Variants in GRM5 observed in about 807,000 individuals in gnomAD.
GRM5 encodes glutamate metabotropic receptor 5, also known as metabotropic glutamate receptor 5.
GRM5 carries 19 observed loss-of-function variants against 83.1 expected under a neutral mutation model. The ratio of observed to expected loss-of-function variants is 0.23; its 90% CI spans 0.16 to 0.34. The LOEUF (loss-of-function observed/expected upper bound fraction) is 0.34, where lower values mean the gene tolerates loss of function less well. Ranked by LOEUF, GRM5 falls within the 10% of genes least tolerant of loss-of-function variation. GRM5 has a pLI of 1.00. For synonymous variants in GRM5, 675 were observed against 633.6 expected (o/e 1.07, Z -0.98); for missense variants, 1,160 against 1,588.3 (o/e 0.73, Z 4.58).
intron 9 of GRM5, among the ~76,000 whole-genome samples, chr11:88,520,668 T>A (rs1941655649): frequency 6.6e-6 from 1 of 152,156 alleles, no homozygotes; most frequent in Admixed American, 6.5e-5. Context: ...TTTGAGTCCT[T>A]GGTTCATAAT....
chr11:88,655,715 A>ATTTT (rs2135309926), intron 3 of GRM5, among the ~76,000 whole-genome samples: 1 of 149,586 alleles, frequency 6.7e-6, no homozygotes, highest in South Asian at 2.1e-4. Context: ...TAAGTTTAAT[A>ATTTT]ACTTAGAAAA....
chr11:88,766,308 A>G (rs922911658), intron 3 of GRM5, among the ~76,000 whole-genome samples: 1 of 152,048 alleles, frequency 6.6e-6, no homozygotes, highest in East Asian at 1.9e-4. Flanking sequence ...TTCAAACTAT[A>G]CTACGGGGCT....
intron 4 of GRM5, among the ~76,000 whole-genome samples, chr11:88,616,605 A>G (rs1192873234): frequency 1.3e-5 from 2 of 152,062 alleles, no homozygotes; most frequent in African/African-American, 2.4e-5. Context: ...GTACTAATGG[A>G]TAGGATGTGG....
At chr11:88,893,639 G>A (rs1459664414) in intron 2 of GRM5, among the ~76,000 whole-genome samples, 1 of 152,044 alleles carries the variant, frequency 6.6e-6, no homozygotes, top group Non-Finnish European at 1.5e-5. Context: ...CCTGGTGGAG[G>A]AAAACCAGTA....
intron 2 of GRM5, among the ~76,000 whole-genome samples, chr11:88,994,726 T>C (rs1259855736): frequency 3.9e-5 from 6 of 151,934 alleles, no homozygotes; most frequent in Admixed American, 6.6e-5. Flanking sequence ...TGTTTTGTTT[T>C]GTTTTTTTAC....
chr11:88,820,949 C>T (rs1257404475), intron 3 of GRM5, among the ~76,000 whole-genome samples: 2 of 152,086 alleles, frequency 1.3e-5, no homozygotes, highest in Non-Finnish European at 2.9e-5. Context: ...GAAAATATAG[C>T]CTCATACAAG....
intron 3 of GRM5, among the ~76,000 whole-genome samples, chr11:88,675,393 G>T (rs1164139298): frequency 6.6e-6 from 1 of 151,936 alleles, no homozygotes; most frequent in South Asian, 2.1e-4. Flanking sequence ...TAAGAAGAAA[G>T]AGAAAGATAT....
chr11:88,973,209 A>G (rs114291569), intron 2 of GRM5, among the ~76,000 whole-genome samples: 3,395 of 152,280 alleles, frequency 0.022, 129 homozygotes, highest in African/African-American at 0.078. Flanking sequence ...TGATGGAAAC[A>G]TTGTGGCTAT....
chr11:88,919,940 TAAAAAG>T (rs1425778486), intron 2 of GRM5, among the ~76,000 whole-genome samples: 2 of 151,996 alleles, frequency 1.3e-5, no homozygotes, highest in East Asian at 3.9e-4. Context: ...GTGCCTACAT[TAAAAAG>T]GCATATAAAT....
At chr11:88,859,319 A>G (rs1944525105) in intron 2 of GRM5, among the ~76,000 whole-genome samples, 1 of 152,062 alleles carries the variant, frequency 6.6e-6, no homozygotes, top group East Asian at 1.9e-4. Flanking sequence ...TCATATTAAG[A>G]AGGGGTTATT....
intron 3 of GRM5, among the ~76,000 whole-genome samples, chr11:88,665,186 C>CACACACACACAT (rs1489530682): frequency 2.0e-5 from 3 of 151,826 alleles, no homozygotes; most frequent in East Asian, 3.9e-4. Flanking sequence ...CACACACACA[C>CACACACACACAT]ACACATCCCT....
rs180737211 is a variant in GRM5 at position 88,887,534 on chromosome 11, C to G, written c.662-37379G>C. ...GGGTGAGTGTGACAAACCCCAATCT[C>G]TAAGTGCCTCTGTTTCCATAGCTGG... On this transcript the variant is annotated intron_variant, in intron 2 of 9. Coordinates refer to ENST00000305447, the MANE Select transcript of GRM5 (RefSeq NM_001143831.3). 1.5e-4 allele frequency among the ~76,000 whole-genome samples: 23 copies of G among 152,260 alleles called. No individual in the cohort carries two copies. In the East Asian group the frequency reaches 4.3e-3, roughly 28 times the overall value.
At chr11:88,805,423 C>T (rs1309043045) in intron 3 of GRM5, among the ~76,000 whole-genome samples, 1 of 152,152 alleles carries the variant, frequency 6.6e-6, no homozygotes, top group African/African-American at 2.4e-5. Context: ...ATCTCTTGAC[C>T]TTGTGATCCA....
chr11:89,051,668 C>T (rs1941765319), intron 1 of GRM5, among the ~76,000 whole-genome samples: 1 of 152,226 alleles, frequency 6.6e-6, no homozygotes, highest in Non-Finnish European at 1.5e-5. Flanking sequence ...CAAGATTGTG[C>T]CACTGCACTC....
chr11:88,593,180 C>A (rs1451599238), intron 6 of GRM5, among the ~76,000 whole-genome samples: 2 of 152,024 alleles, frequency 1.3e-5, no homozygotes, highest in Non-Finnish European at 2.9e-5. Context: ...TAGACTAAAT[C>A]CTTTCATGGA....
intron 3 of GRM5, among the ~76,000 whole-genome samples, chr11:88,727,339 A>C (rs1046520602): frequency 2.0e-5 from 3 of 152,232 alleles, no homozygotes; most frequent in African/African-American, 7.2e-5. Flanking sequence ...AGAGCTAACT[A>C]TCCTAAATAT....
intron 3 of GRM5, among the ~76,000 whole-genome samples, chr11:88,750,788 C>G (rs554070061): frequency 6.6e-6 from 1 of 152,108 alleles, no homozygotes; most frequent in East Asian, 1.9e-4. Flanking sequence ...AACCACACAC[C>G]TACATGAAAA....
rs1439503281 is a variant in GRM5, at chr11:88,987,492, C to G, written c.661+59720G>C. On this transcript the variant is annotated intron_variant, in intron 2 of 9. Transcript: ENST00000305447. The stretch of plus-strand genomic sequence containing the variant: ...AAACAAAGCAGCCAGGAAGCTCGAA[C>G]TGGGTGGAGCCCACCACAGCTCAAG... Among the ~76,000 whole-genome samples, 10 of 146,576 alleles carry G rather than the reference C, an allele frequency of 6.8e-5. No individual in the cohort carries two copies. In the South Asian group the frequency reaches 2.2e-3, roughly 33 times the overall value.
chr11:88,875,439 T>C (rs985225199), intron 2 of GRM5, among the ~76,000 whole-genome samples: 2 of 152,022 alleles, frequency 1.3e-5, no homozygotes, highest in African/African-American at 4.8e-5. Flanking sequence ...ACTTGAAGTC[T>C]TGAACCCCTC....
Sources: allele counts gnomAD v4.1 joint callset (sites outside exome capture counted in the v4.1 genomes callset), GRCh38; gene constraint gnomAD v4.1.1; transcripts MANE v1.5; gene names NCBI Gene and HGNC (gene_info 2026-07-23, HGNC 2026-07-21).